Variants in MPEG1 observed in about 807,000 individuals in gnomAD.
MPEG1 encodes macrophage expressed 1, also known as macrophage-expressed gene 1 protein.
For missense variants in MPEG1, 876 were observed against 880.3 expected, an observed-to-expected ratio of 1.00 and a Z score of 0.06; for synonymous variants, 365 against 351.9, an observed-to-expected ratio of 1.04 and a Z score of -0.42.
chr11:59,211,423 G>A lies in MPEG1; in HGVS notation c.1443C>T (p.Gly481=), dbSNP rs1451324388. Residue 481 remains glycine (G), a synonymous_variant, in exon 1 of 1, where the codon GGC becomes GGT. Coordinates refer to ENST00000361050, the MANE Select transcript of MPEG1 (RefSeq NM_001039396.2). ...GGTTTATGCTCTTGCTGCTGAAGAGGCCCCCAAAAAGCAGTCCTGAGTTTT... is the reference window on the plus strand; with the variant it reads ...GGTTTATGCTCTTGCTGCTGAAGAGACCCCCAAAAAGCAGTCCTGAGTTTT... ...VPENSGLLFG[G]LFSSKSINPM... 3.7e-6 allele frequency: 6 copies of A among 1,614,120 alleles called. No homozygotes were observed. The South Asian group carries it at 4.4e-5, about 12-fold the overall frequency.
Position 59,211,085 on chromosome 11 carries a change from G to A in MPEG1, c.1781C>T (p.Pro594Leu), listed in dbSNP as rs778292450. ...CATGAGGGGTGGCCGGGTGAAAGGT[G>A]GGAGCCTGGCAGGGGGCAGGGACCC... ...TGGSLPPARL[P>L]PFTRPPLMSQ... The change falls in exon 1 of 1, where the codon CCA becomes CTA. Residue 594 changes from proline to leucine, a missense_variant. Pro to Leu is a moderately conservative substitution (Grantham distance 98). Transcript: ENST00000361050. The A allele has an allele frequency of 6.2e-7, 1 of 1,614,186 alleles. No individual in the cohort carries two copies. Among genetic ancestry groups the A allele is most frequent in the South Asian group, 1.1e-5 (1 of 91,074 alleles).
chr11:59,211,729 A>G lies in MPEG1; in HGVS notation c.1137T>C (p.Gly379=). 6.8e-6 allele frequency: 11 copies of G among 1,614,172 alleles called. No individual in the cohort carries two copies. Among genetic ancestry groups the G allele is most frequent in the Non-Finnish European group, 7.6e-6 (9 of 1,180,032 alleles). Residue 379 remains glycine, a synonymous_variant, in exon 1 of 1, where the codon GGT becomes GGC. Coordinates refer to ENST00000361050, the MANE Select transcript of MPEG1 (RefSeq NM_001039396.2). ...CEGKMTNFSF[G]GVYQECTQLS... The stretch of plus-strand genomic sequence containing the variant: ...GCTGAGTGCATTCCTGATAAACCCC[A>G]CCGAAAGAGAAGTTGGTCATTTTCC...
At position 59,211,811 on chromosome 11, in the gene MPEG1, T is replaced by G; in HGVS notation, c.1055A>C (p.Asp352Ala). ...YTFNTYPGCT[D>A]LNSPNFNFQA... ...AAAATTGAAGTTGGGAGAATTGAGA[T>G]CTGTGCAGCCAGGGTAGGTGTTGAA... The change falls in exon 1 of 1, where the codon GAT becomes GCT. Residue 352 changes from aspartate (D) to alanine (A), a missense_variant. Asp to Ala is a moderately radical substitution (Grantham distance 126). Transcript: ENST00000361050. 6.2e-7 allele frequency: 1 copy of G among 1,614,158 alleles called. No homozygotes were observed. The highest frequency in any genetic ancestry group is 8.5e-7 in the Non-Finnish European group (1 of 1,180,034).
In MPEG1 at chr11:59,211,686, C is replaced by CA. The variant is rs1378294811; in HGVS notation, c.1179dup (p.Val394CysfsTer16). On this transcript the variant is annotated frameshift_variant, in exon 1 of 1. Transcript: ENST00000361050. LOFTEE classifies it low-confidence loss of function (END_TRUNC). ...TGCTCCAACTTTTGGCAGAGGAGGA[C>CA]ATCCCTATTCCCTGAGAGCTGAGTG... The CA allele has an allele frequency of 3.7e-6, 6 of 1,614,202 alleles. No homozygotes were observed. Among genetic ancestry groups the CA allele is most frequent in the Non-Finnish European group, 5.1e-6 (6 of 1,180,042 alleles).
chr11:59,210,976 C>T lies in MPEG1; in HGVS notation c.1890G>A (p.Trp630Ter). Residue 630 changes from tryptophan to a stop codon, truncating the protein, a stop_gained, in exon 1 of 1, where the codon TGG becomes TGA. Transcript: ENST00000361050. LOFTEE classifies it low-confidence loss of function (END_TRUNC). The stretch of plus-strand genomic sequence containing the variant: ...GCAGCTCTATCGGTTCTCCCAGCCT[C>T]CACTGGTGGGTCTGGGAGTCTTTAA... ...SWIKDSQTHQ[W>*]RLGEPIELRR... 6.2e-7 allele frequency: 1 copy of T among 1,614,164 alleles called. No homozygotes were observed. The highest frequency in any genetic ancestry group is 8.5e-7 in the Non-Finnish European group (1 of 1,180,024).
chr11:59,208,839 TA>T lies in MPEG1; in HGVS notation c.*1875del, dbSNP rs1862852153. 6.6e-6 allele frequency: 1 copy of T among 152,242 alleles called. No individual in the cohort carries two copies. Among genetic ancestry groups the T allele is most frequent in the African/African-American group, 2.4e-5 (1 of 41,456 alleles). The allele number at this position is 152,242 out of a possible 1,614,324, so 9.4% of individuals were successfully genotyped here. A position where few individuals can be genotyped will look rare whatever the true frequency, so the allele number is the denominator to read the frequency against. On this transcript the variant is annotated 3_prime_UTR_variant, in exon 1 of 1. Transcript: ENST00000361050. ...GTTGGACAGAGGGTTTCTTAGTATATACTTTAATGCATGTTTATGTGCAATC... is the reference window on the plus strand; with the variant it reads ...GTTGGACAGAGGGTTTCTTAGTATATCTTTAATGCATGTTTATGTGCAATC...
At position 59,211,824 on chromosome 11, in the gene MPEG1, G is replaced by A. The variant is rs766783697; in HGVS notation, c.1042C>T (p.Pro348Ser). The A allele has an allele frequency of 6.2e-7, 1 of 1,614,170 alleles. No individual in the cohort carries two copies. The highest frequency in any genetic ancestry group is 8.5e-7 in the Non-Finnish European group (1 of 1,180,030). Residue 348 changes from proline to serine, a missense_variant, in exon 1 of 1, where the codon CCT becomes TCT. By Grantham distance (74) the Pro-to-Ser change is moderately conservative (BLOSUM62 -1). Coordinates refer to ENST00000361050, the MANE Select transcript of MPEG1 (RefSeq NM_001039396.2). ...GGAGAATTGAGATCTGTGCAGCCAG[G>A]GTAGGTGTTGAATGTATAATAGCGC... ...VKRYYTFNTY[P>S]GCTDLNSPNF... is the part of the protein sequence containing the mutation.
In MPEG1 at chr11:59,210,777, C is replaced by T. The variant is rs763329058; in HGVS notation, c.2089G>A (p.Val697Ile). The stretch of plus-strand genomic sequence containing the variant: ...TCTCCAGTTGCTGCAGTGCCTGGAA[C>T]CAAACTCTGCCTTTCCTCAATTGCC... ...YQAIEERQSLVPGTAATGDTT... is the reference protein window; with the variant it reads ...YQAIEERQSLIPGTAATGDTT... Residue 697 changes from valine to isoleucine, a missense_variant, in exon 1 of 1, where the codon GTT becomes ATT. Val to Ile is a conservative substitution (Grantham distance 29, BLOSUM62 3). Transcript: ENST00000361050. 3.1e-6 allele frequency: 5 copies of T among 1,614,192 alleles called. No individual in the cohort carries two copies.
Position 59,209,912 on chromosome 11 carries a change from G to A in MPEG1, c.*803C>T, listed in dbSNP as rs970911240. 6.6e-6 allele frequency: 1 copy of A among 150,782 alleles called. No homozygotes were observed. The highest frequency in any genetic ancestry group is 2.5e-5 in the African/African-American group (1 of 40,794). The allele number at this position is 150,782 out of a possible 1,614,324, so 9.3% of individuals were successfully genotyped here. A position where few individuals can be genotyped will look rare whatever the true frequency, so the allele number is the denominator to read the frequency against. ...TGTGTGTTCATATAACAGGAGGACA[G>A]GAAAGGTAATGACCATCCATGGAAG... On this transcript the variant is annotated 3_prime_UTR_variant, in exon 1 of 1. Transcript: ENST00000361050.
Position 59,212,602 on chromosome 11 carries a change from G to T in MPEG1, c.264C>A (p.Pro88=). The change falls in exon 1 of 1, where the codon CCC becomes CCA. Residue 88 remains proline, a synonymous_variant. Coordinates refer to ENST00000361050, the MANE Select transcript of MPEG1 (RefSeq NM_001039396.2). The part of the protein sequence containing the change: ...YIIPDEIFTI[P]QKQSNLEMNS... Reference sequence around the variant, plus strand: ...TCATCTCCAGGTTGCTCTGTTTCTGGGGAATGGTGAAGATTTCATCAGGGA... The same window carrying T: ...TCATCTCCAGGTTGCTCTGTTTCTGTGGAATGGTGAAGATTTCATCAGGGA... The T allele has an allele frequency of 6.2e-7, 1 of 1,614,190 alleles. No individual in the cohort carries two copies. The highest frequency in any genetic ancestry group is 1.1e-5 in the South Asian group (1 of 91,086).
Position 59,212,538 on chromosome 11 carries a change from T to A in MPEG1, c.328A>T (p.Ser110Cys), listed in dbSNP as rs779499846. 2 of 1,614,224 alleles carry A rather than the reference T, an allele frequency of 1.2e-6. No homozygotes were observed. Among genetic ancestry groups the A allele is most frequent in the Middle Eastern group, 1.6e-4 (1 of 6,062 alleles). Residue 110 changes from serine to cysteine, a missense_variant, in exon 1 of 1, where the codon AGC becomes TGC. Transcript: ENST00000361050. ...TCTGTGTTGATGGAGTAGGAGGTGC[T>A]ACTCTGGTAATTTGCCCAGGATTCC... is the stretch of plus-strand genomic sequence containing the variant. The part of the protein sequence containing the change: ...ILESWANYQS[S>C]TSYSINTELS...
At position 59,211,903 on chromosome 11, in the gene MPEG1, G is replaced by A. The variant is rs1380053245; in HGVS notation, c.963C>T (p.Asp321=). The A allele has an allele frequency of 6.2e-7, 1 of 1,614,074 alleles. No homozygotes were observed. The highest frequency in any genetic ancestry group is 8.5e-7 in the Non-Finnish European group (1 of 1,179,982). The change falls in exon 1 of 1, where the codon GAC becomes GAT. Residue 321 remains aspartate, a synonymous_variant. Transcript: ENST00000361050. ...HFFINPNMLP[D]LPGPLVKKVS... is the part of the protein sequence containing the mutation. The stretch of plus-strand genomic sequence containing the variant: ...CCTTCTTCACCAGGGGGCCTGGCAA[G>A]TCAGGTAGCATGTTGGGGTTGATGA...
Position 59,210,941 on chromosome 11 carries a change from A to C in MPEG1, c.1925T>G (p.Met642Arg), listed in dbSNP as rs769000235. ...LGEPIELRRAMNVIHGDGGGL... is the reference protein window; with the variant it reads ...LGEPIELRRARNVIHGDGGGL... ...ACCACCATCCCCATGGATGACATTC[A>C]TGGCCCTCCGCAGCTCTATCGGTTC... The change falls in exon 1 of 1, where the codon ATG becomes AGG. Residue 642 changes from methionine (M) to arginine (R), a missense_variant. Physicochemically the swap from Met to Arg is moderately conservative, Grantham distance 91. Coordinates refer to ENST00000361050, the MANE Select transcript of MPEG1 (RefSeq NM_001039396.2). 6.2e-7 allele frequency: 1 copy of C among 1,613,994 alleles called. No homozygotes were observed. The highest frequency in any genetic ancestry group is 8.5e-7 in the Non-Finnish European group (1 of 1,180,026).
Position 59,211,412 on chromosome 11 carries a change from C to T in MPEG1, c.1454G>A (p.Ser485Asn). The change falls in exon 1 of 1, where the codon AGC becomes AAC. Residue 485 changes from serine to asparagine, a missense_variant. By Grantham distance (46) the Ser-to-Asn change is conservative (BLOSUM62 1). Coordinates refer to ENST00000361050, the MANE Select transcript of MPEG1 (RefSeq NM_001039396.2). ...SGLLFGGLFS[S>N]KSINPMTNAQ... The stretch of plus-strand genomic sequence containing the variant: ...ATTTGTCATGGGGTTTATGCTCTTG[C>T]TGCTGAAGAGGCCCCCAAAAAGCAG... The T allele has an allele frequency of 6.2e-7, 1 of 1,614,198 alleles. No individual in the cohort carries two copies. The highest frequency in any genetic ancestry group is 8.5e-7 in the Non-Finnish European group (1 of 1,180,030).
In MPEG1 at chr11:59,212,247, T is replaced by C; in HGVS notation, c.619A>G (p.Thr207Ala). 6.2e-7 allele frequency: 1 copy of C among 1,613,748 alleles called. No individual in the cohort carries two copies. Among genetic ancestry groups the C allele is most frequent in the South Asian group, 1.1e-5 (1 of 91,074 alleles). Residue 207 changes from threonine to alanine, a missense_variant, in exon 1 of 1, where the codon ACC (threonine) becomes GCC (alanine). Thr to Ala is a moderately conservative substitution (Grantham distance 58). Transcript: ENST00000361050. The part of the protein sequence containing the change: ...LVLNYGTHVT[T>A]SVDAGAALIQ... ...AGAGCAGCCCCAGCGTCGACACTGG[T>C]GGTGACGTGGGTGCCATAGTTGAGC...
rs1862847483 is a variant in MPEG1, at chr11:59,208,686, C to T, written c.*2029G>A. On this transcript the variant is annotated 3_prime_UTR_variant, in exon 1 of 1. Coordinates refer to ENST00000361050, the MANE Select transcript of MPEG1 (RefSeq NM_001039396.2). ...CTCCCCACAGACCCCAGGCTAAGGTCACCAGTTAGGAACCCAGGACTTGGA... is the reference window on the plus strand; with the variant it reads ...CTCCCCACAGACCCCAGGCTAAGGTTACCAGTTAGGAACCCAGGACTTGGA... The T allele has an allele frequency of 6.6e-6, 1 of 152,188 alleles. No homozygotes were observed. The allele number at this position is 152,188 out of a possible 1,614,324, so 9.4% of individuals were successfully genotyped here.
At position 59,212,843 on chromosome 11, in the gene MPEG1, A is replaced by G; in HGVS notation, c.23T>C (p.Ile8Thr). 1.2e-6 allele frequency: 2 copies of G among 1,613,958 alleles called. No individual in the cohort carries two copies. The highest frequency in any genetic ancestry group is 2.7e-5 in the African/African-American group (2 of 75,062). Residue 8 changes from isoleucine to threonine, a missense_variant, in exon 1 of 1, where the codon ATC (isoleucine) becomes ACC (threonine). Transcript: ENST00000361050. MNNFRAT[I>T]LFWAAAAWAK... ...CCATGCTGCCGCTGCCCAGAAGAGG[A>G]TGGTGGCCCTGAAGTTGTTCATGGC...
chr11:59,212,154 C>T lies in MPEG1; in HGVS notation c.712G>A (p.Ala238Thr), dbSNP rs754976060. Reference sequence around the variant, plus strand: ...TTTTGAAAGGCAAGTCCAGCAGAGGCGGTCACGGCACTACGACTGCTCTGG... The same window carrying T: ...TTTTGAAAGGCAAGTCCAGCAGAGGTGGTCACGGCACTACGACTGCTCTGG... ...DSQSSRSAVT[A>T]SAGLAFQNTV... Residue 238 changes from alanine (A) to threonine (T), a missense_variant, in exon 1 of 1, where the codon GCC (alanine) becomes ACC (threonine). By Grantham distance (58) the Ala-to-Thr change is moderately conservative. Transcript: ENST00000361050. 46 of 1,614,048 alleles carry T rather than the reference C, an allele frequency of 2.8e-5. No homozygotes were observed. In the South Asian group the frequency reaches 3.0e-4, roughly 10 times the overall value.
chr11:59,209,522 A>C lies in MPEG1; in HGVS notation c.*1193T>G, dbSNP rs1407606062. The C allele has an allele frequency of 6.6e-6, 1 of 152,220 alleles. No homozygotes were observed. The highest frequency in any genetic ancestry group is 1.5e-5 in the Non-Finnish European group (1 of 68,028). The allele number at this position is 152,220 out of a possible 1,614,324, so 9.4% of individuals were successfully genotyped here. A position where few individuals can be genotyped will look rare whatever the true frequency, so the allele number is the denominator to read the frequency against. ...GATGCCCCAGGGCTGTCAGCCTGGA[A>C]CTGAAATAAATGTGTTATAAGTGGT... On this transcript the variant is annotated 3_prime_UTR_variant, in exon 1 of 1. Transcript: ENST00000361050.
Sources: gnomAD v4.1 joint callset for allele counts on GRCh38, gnomAD v4.1.1 for gene constraint, MANE v1.5 for transcripts, NCBI Gene and HGNC (gene_info 2026-07-23, HGNC 2026-07-21) for gene names.